RAD51B: variants seen among roughly 807,000 people sequenced by gnomAD.
RAD51B encodes the protein DNA repair protein RAD51 homolog 2.
Under a neutral mutation model 42.2 loss-of-function variants are expected in RAD51B, and 38 were observed. The observed-to-expected ratio is 0.90, with a 90% CI of 0.70 to 1.18. The LOEUF is 1.18. Among genes scored for constraint, RAD51B ranks in the 50% most tolerant of loss-of-function variants. The pLI is 0.00. For synonymous variants in RAD51B, 154 were observed against 145.2 expected (o/e 1.06, Z -0.43); for missense variants, 373 against 400.7 (o/e 0.93, Z 0.59).
At chr14:68,497,076 C>T (rs1884580848) in intron 10 of RAD51B, 1 of 1,341,854 alleles carries the variant, frequency 7.5e-7, no homozygotes, top group South Asian at 1.2e-5. Flanking sequence ...AAGCCTTCAA[C>T]ATCTTTTTCT....
intron 7 of RAD51B, among the ~76,000 whole-genome samples, chr14:67,983,463 A>G (rs2075130840): frequency 6.6e-6 from 1 of 152,220 alleles, no homozygotes. Context: ...ATTTATGCTG[A>G]GGTACAAATA....
At chr14:68,266,948 C>T (rs561087645) in intron 7 of RAD51B, among the ~76,000 whole-genome samples, 36 of 152,270 alleles carry the variant, frequency 2.4e-4, no homozygotes, top group Non-Finnish European at 3.7e-4. Flanking sequence ...CTATACATTA[C>T]GCAAAAAGTT....
At chr14:68,050,441 AT>A (rs1384710056) in intron 7 of RAD51B, among the ~76,000 whole-genome samples, 3 of 152,168 alleles carry the variant, frequency 2.0e-5, no homozygotes, top group East Asian at 1.9e-4. Flanking sequence ...AAAAGATTTT[AT>A]TTTTTTCTTC....
chr14:68,420,737 T>C (rs547507592), intron 9 of RAD51B, among the ~76,000 whole-genome samples: 6 of 152,362 alleles, frequency 3.9e-5, no homozygotes, highest in Non-Finnish European at 8.8e-5. Flanking sequence ...GCAATGTCTT[T>C]GTGACCTGTA....
chr14:67,906,012 G>A (rs2043770330), intron 7 of RAD51B, among the ~76,000 whole-genome samples: 1 of 152,022 alleles, frequency 6.6e-6, no homozygotes, highest in Non-Finnish European at 1.5e-5. Context: ...TGATTATTTG[G>A]TAGGATATTA....
At chr14:68,369,065 G>A (rs2083199833) in intron 8 of RAD51B, among the ~76,000 whole-genome samples, 1 of 152,196 alleles carries the variant, frequency 6.6e-6, no homozygotes, top group Non-Finnish European at 1.5e-5. Flanking sequence ...TGGCTGTAGA[G>A]TACCCAGCTC....
rs147255600 is a variant in RAD51B, at chr14:68,156,377, G to A, written c.757-135507G>A. ...CTAGTTTTTTATGCCTTTTTGTGTG[G>A]AAGGTTGGTTTCTCCTTTATCTACT... On this transcript the variant is annotated intron_variant, in intron 7 of 10. Coordinates refer to ENST00000471583, the MANE Select transcript of RAD51B (RefSeq NM_133510.4). Among the ~76,000 whole-genome samples the A allele has an allele frequency of 4.4e-3, 668 of 151,416 alleles. 7 individuals are homozygous for A. The highest frequency in any genetic ancestry group is 0.028 in the Middle Eastern group (8 of 290).
At chr14:68,627,566 C>T (rs1892116771) in intron 10 of RAD51B, among the ~76,000 whole-genome samples, 1 of 152,156 alleles carries the variant, frequency 6.6e-6, no homozygotes, top group Non-Finnish European at 1.5e-5. Flanking sequence ...TTGGGACTGC[C>T]TTTCTCACCC....
intron 7 of RAD51B, among the ~76,000 whole-genome samples, chr14:68,077,011 A>C (rs1595365242): frequency 6.6e-6 from 1 of 152,072 alleles, no homozygotes; most frequent in South Asian, 2.1e-4. Flanking sequence ...GAGATACTCT[A>C]ATTTATTTAG....
intron 11 of RAD51B, among the ~76,000 whole-genome samples, chr14:68,658,420 G>A (rs1341073814): frequency 6.6e-6 from 1 of 152,270 alleles, no homozygotes; most frequent in Non-Finnish European, 1.5e-5. Context: ...GCCCCCTGGT[G>A]ACAATGGCCA....
chr14:67,878,564 A>G (rs560592607), intron 5 of RAD51B, among the ~76,000 whole-genome samples: 1 of 151,864 alleles, frequency 6.6e-6, no homozygotes, highest in East Asian at 1.9e-4. Context: ...TAAAGTTTTA[A>G]TTTTCAGGGC....
chr14:68,528,904 A>G (rs1887100550), intron 10 of RAD51B, among the ~76,000 whole-genome samples: 1 of 152,234 alleles, frequency 6.6e-6, no homozygotes, highest in Admixed American at 6.5e-5. Flanking sequence ...CAAGTTAGAT[A>G]ACTTGCTCCC....
At chr14:68,417,660 C>T (rs2084595595) in intron 9 of RAD51B, among the ~76,000 whole-genome samples, 1 of 152,180 alleles carries the variant, frequency 6.6e-6, no homozygotes, top group African/African-American at 2.4e-5. Context: ...ATACAATGAG[C>T]TGCTACTCAC....
chr14:68,661,942 T>C (rs1043620659), intron 11 of RAD51B, among the ~76,000 whole-genome samples: 4 of 152,220 alleles, frequency 2.6e-5, no homozygotes, highest in Non-Finnish European at 4.4e-5. Flanking sequence ...TGAGAACCTC[T>C]CTTTTATTTG....
At chr14:68,013,590 C>T (rs1249390031) in intron 7 of RAD51B, among the ~76,000 whole-genome samples, 1 of 152,082 alleles carries the variant, frequency 6.6e-6, no homozygotes, top group Non-Finnish European at 1.5e-5. Context: ...TCATTTAATC[C>T]ATAACAGTCT....
chr14:68,325,587 T>TA (rs199765729), intron 8 of RAD51B, among the ~76,000 whole-genome samples: 2 of 137,906 alleles, frequency 1.5e-5, no homozygotes, highest in African/African-American at 2.5e-5. Flanking sequence ...TTTTTTTTTT[T>TA]AAAAAGAGTT....
At chr14:67,985,746 A>G (rs1337292315) in intron 7 of RAD51B, among the ~76,000 whole-genome samples, 5 of 151,960 alleles carry the variant, frequency 3.3e-5, no homozygotes, top group Non-Finnish European at 7.4e-5. Flanking sequence ...TACAAAAAAA[A>G]AAAAAATTCA....
At position 68,433,747 on chromosome 14, in the gene RAD51B, C is replaced by T. The variant is rs1003906019; in HGVS notation, c.957+22220C>T. On this transcript the variant is annotated intron_variant, in intron 9 of 10. Coordinates refer to ENST00000471583, the MANE Select transcript of RAD51B (RefSeq NM_133510.4). ...CATCTGAAGCCTTCTTCTCTCAACT[C>T]GTCAAGGTCATTCTCCGTCCAGCTT... Among the ~76,000 whole-genome samples, 3 of 152,240 alleles carry T rather than the reference C, an allele frequency of 2.0e-5. No individual in the cohort carries two copies. The East Asian group carries it at 5.8e-4, about 29-fold the overall frequency.
At chr14:67,990,686 A>G (rs529180085) in intron 7 of RAD51B, among the ~76,000 whole-genome samples, 2 of 152,350 alleles carry the variant, frequency 1.3e-5, no homozygotes, top group Admixed American at 1.3e-4. Context: ...CCTAAGAACT[A>G]AACAGTGGGG....
Sources: allele counts gnomAD v4.1 joint callset (sites outside exome capture counted in the v4.1 genomes callset), GRCh38; gene constraint gnomAD v4.1.1; transcripts MANE v1.5; gene names NCBI Gene and HGNC (gene_info 2026-07-23, HGNC 2026-07-21).